The following NR3C2 variants were observed in gnomAD, a reference collection of about 807,000 sequenced individuals.
The protein encoded by NR3C2 is mineralocorticoid receptor.
In NR3C2, 15 loss-of-function variants were observed where a neutral mutation model predicts 86.4. That is an observed-to-expected ratio of 0.17 (90% CI 0.12 to 0.27). The LOEUF (loss-of-function observed/expected upper bound fraction) is 0.27, where lower values mean the gene tolerates loss of function less well. NR3C2 is among the 10% of genes least tolerant of loss of function. NR3C2 has a pLI of 1.00. For missense variants in NR3C2, 960 were observed against 1,195.6 expected (o/e 0.80, Z 2.91); for synonymous variants, 458 against 450.5 (o/e 1.02, Z -0.21).
chr4:148,134,913 T>G (rs1733228334), intron 6 of NR3C2, among the ~76,000 whole-genome samples: 1 of 151,926 alleles, frequency 6.6e-6, no homozygotes, highest in Admixed American at 6.6e-5. Context: ...CCACCTCGGC[T>G]TCCCAAAGTG....
At chr4:148,402,081 T>C (rs1040381988) in intron 2 of NR3C2, among the ~76,000 whole-genome samples, 4 of 152,182 alleles carry the variant, frequency 2.6e-5, no homozygotes, top group South Asian at 2.1e-4. Context: ...ACCCAGATTG[T>C]AGGTTCCACA....
At chr4:148,244,846 C>A (rs961268897) in intron 3 of NR3C2, among the ~76,000 whole-genome samples, 4 of 152,142 alleles carry the variant, frequency 2.6e-5, no homozygotes, top group Non-Finnish European at 2.9e-5. Flanking sequence ...GATCTCTGCC[C>A]ATACCTAATA....
chr4:148,265,499 C>T (rs1027606673), intron 2 of NR3C2, among the ~76,000 whole-genome samples: 3 of 152,188 alleles, frequency 2.0e-5, no homozygotes, highest in African/African-American at 7.2e-5. Context: ...AACTATCTTT[C>T]CCATCCTTAC....
At chr4:148,226,641 T>G (rs1738181983) in intron 3 of NR3C2, among the ~76,000 whole-genome samples, 1 of 152,160 alleles carries the variant, frequency 6.6e-6, no homozygotes, top group Non-Finnish European at 1.5e-5. Context: ...ATACAGTGAC[T>G]TTATAGGAAA....
chr4:148,443,887 T>C (rs1750473151), upstream of NR3C2: 4 of 611,124 alleles, frequency 6.5e-6, no homozygotes, highest in Non-Finnish European at 8.2e-6. Context: ...AGACTTGAAC[T>C]CTCAGCCGCT....
At chr4:148,365,350 GCATTTCAGATTT>G (rs980702284) in intron 2 of NR3C2, among the ~76,000 whole-genome samples, 10 of 152,052 alleles carry the variant, frequency 6.6e-5, no homozygotes, top group Non-Finnish European at 1.3e-4. Flanking sequence ...GCATTTTGGA[GCATTTCAGATTT>G]CAAATTTTCA....
intron 3 of NR3C2, among the ~76,000 whole-genome samples, chr4:148,252,245 T>C (rs1486101310): frequency 1.3e-5 from 2 of 152,178 alleles, no homozygotes; most frequent in Non-Finnish European, 2.9e-5. Context: ...AATTAAAGGA[T>C]CATACCTTTA....
intron 4 of NR3C2, among the ~76,000 whole-genome samples, chr4:148,192,252 C>T (rs1736232292): frequency 6.6e-6 from 1 of 152,184 alleles, no homozygotes; most frequent in Non-Finnish European, 1.5e-5. Flanking sequence ...TGATTGTTGT[C>T]TCTCTTCTAG....
intron 4 of NR3C2, 100 bp downstream of exon 4, chr4:148,194,646 C>T (rs186051519): frequency 2.6e-6 from 2 of 771,818 alleles, no homozygotes; most frequent in Non-Finnish European, 4.5e-6. Context: ...GAAACCTTTG[C>T]TCCCTGTTGG....
chr4:148,278,038 A>G (rs1012398566), intron 2 of NR3C2, among the ~76,000 whole-genome samples: 2 of 152,234 alleles, frequency 1.3e-5, no homozygotes, highest in African/African-American at 4.8e-5. Context: ...ATTATTTCAT[A>G]AAGGAAATAT....
intron 2 of NR3C2, among the ~76,000 whole-genome samples, chr4:148,416,012 C>T (rs540852535): frequency 2.0e-5 from 3 of 152,120 alleles, no homozygotes; most frequent in South Asian, 4.2e-4. Flanking sequence ...TGAGCAGACA[C>T]AAATTCTGTC....
chr4:148,214,799 G>A (rs1406732756), intron 3 of NR3C2, among the ~76,000 whole-genome samples: 1 of 152,224 alleles, frequency 6.6e-6, no homozygotes, highest in African/African-American at 2.4e-5. Context: ...TTCAGGAGAG[G>A]CTGGACGTCG....
At chr4:148,151,534 C>T (rs916018105) in intron 6 of NR3C2, among the ~76,000 whole-genome samples, 5 of 152,176 alleles carry the variant, frequency 3.3e-5, no homozygotes, top group African/African-American at 1.2e-4. Flanking sequence ...ATAAAATTGT[C>T]TTTGCAGTAC....
In NR3C2 at chr4:148,435,393, G is replaced by A; in HGVS notation, c.1468C>T (p.Pro490Ser). 6.2e-7 allele frequency: 1 copy of A among 1,614,126 alleles called. No individual in the cohort carries two copies. The highest frequency in any genetic ancestry group is 8.5e-7 in the Non-Finnish European group (1 of 1,180,032). The change falls in exon 2 of 9, where the codon CCA becomes TCA. Residue 490 changes from proline (P) to serine (S), a missense_variant. This residue lies in a region of NR3C2 where 680 missense variants were observed against 719.0 expected (regional missense o/e 0.95). Transcript: ENST00000358102. The part of the protein sequence containing the change: ...FDGNCEGSGF[P>S]VGIKQEPDDG... ...TCTGGTTCTTGTTTAATACCCACTG[G>A]GAATCCGCTGCCTTCACAGTTACCA...
chr4:148,335,278 T>G (rs1415928191), intron 2 of NR3C2, among the ~76,000 whole-genome samples: 1 of 152,220 alleles, frequency 6.6e-6, no homozygotes, highest in Non-Finnish European at 1.5e-5. Flanking sequence ...ACCATTTAAT[T>G]TTGATCATTG....
chr4:148,408,652 A>C (rs1748538283), intron 2 of NR3C2, among the ~76,000 whole-genome samples: 1 of 152,220 alleles, frequency 6.6e-6, no homozygotes, highest in Admixed American at 6.5e-5. Context: ...CTTTACCAAT[A>C]GGCAACCATT....
At chr4:148,230,953 A>T (rs938595498) in intron 3 of NR3C2, among the ~76,000 whole-genome samples, 4 of 152,264 alleles carry the variant, frequency 2.6e-5, no homozygotes, top group Admixed American at 6.5e-5. Flanking sequence ...AAGCTCTTGT[A>T]ATACAAACTC....
intron 4 of NR3C2, among the ~76,000 whole-genome samples, chr4:148,164,381 A>C (rs2149778144): frequency 6.6e-6 from 1 of 152,332 alleles, no homozygotes; most frequent in South Asian, 2.1e-4. Flanking sequence ...GCAACTGGTA[A>C]CTTCTTCAGA....
rs1435998331 is a variant in NR3C2, at chr4:148,122,241, A to AT, written c.2511-1954dup. Among the ~76,000 whole-genome samples, 3 of 152,016 alleles carry AT rather than the reference A, an allele frequency of 2.0e-5. No homozygotes were observed. In the East Asian group the frequency reaches 5.8e-4, roughly 29 times the overall value. Reference sequence around the variant, plus strand: ...ATTCATATCTTTACCAATTTTACCCATTTTTTCCTTCTCGCACTGAGTAAC... The same window carrying AT: ...ATTCATATCTTTACCAATTTTACCCATTTTTTTCCTTCTCGCACTGAGTAAC... On this transcript the variant is annotated intron_variant, in intron 6 of 8. Coordinates refer to ENST00000358102, the MANE Select transcript of NR3C2 (RefSeq NM_000901.5).
Sources: gnomAD v4.1 joint callset for allele counts (sites outside exome capture counted in the v4.1 genomes callset) on GRCh38, gnomAD v4.1.1 for gene constraint, gnomAD v4.1.1 regional missense constraint, MANE v1.5 for transcripts, NCBI Gene and HGNC (gene_info 2026-07-23, HGNC 2026-07-21) for gene names.